The following KIRREL2 variants were observed in gnomAD, a reference collection of about 807,000 sequenced individuals.
KIRREL2 encodes kin of IRRE-like protein 2.
A neutral mutation model predicts 73.4 loss-of-function variants in KIRREL2; 56 were observed. The observed-to-expected ratio is 0.76, with a 90% confidence interval of 0.62 to 0.95. The LOEUF (loss-of-function observed/expected upper bound fraction) is 0.95. KIRREL2 is among the 40% of genes least tolerant of loss of function. The pLI, the probability that KIRREL2 is intolerant of heterozygous loss-of-function variation, is 0.00. For synonymous variants in KIRREL2, 407 were observed against 404.0 expected, an observed-to-expected ratio of 1.01 and a Z score of -0.09; for missense variants, 896 against 935.0, an observed-to-expected ratio of 0.96 and a Z score of 0.54.
rs1973721824 is a variant in KIRREL2 at position 35,862,096 on chromosome 19, G to T, written c.1510+72G>T. 2.9e-6 allele frequency: 4 copies of T among 1,365,380 alleles called. No homozygotes were observed. In the Admixed American group the frequency reaches 6.4e-5, roughly 22 times the overall value. 84.6% of individuals were successfully genotyped at this position (1,365,380 alleles called of 1,614,324 possible). A position where few individuals can be genotyped will look rare whatever the true frequency, so the allele number is the denominator to read the frequency against. ...ACAAACGCAGGGATCCCCCAGCCGA[G>T]GGCTGCAAAACCTCATACCCTCAAA... On this transcript the variant is annotated intron_variant, in intron 11 of 14. Coordinates refer to ENST00000360202, the MANE Select transcript of KIRREL2 (RefSeq NM_199180.4).
chr19:35,854,064 C>T (rs1163338542), upstream of KIRREL2, among the ~76,000 whole-genome samples: 1 of 152,060 alleles, frequency 6.6e-6, no homozygotes, highest in Non-Finnish European at 1.5e-5. Flanking sequence ...AGGCAGGTCT[C>T]GAACTCCTGA....
intron 14 of KIRREL2, among the ~76,000 whole-genome samples, chr19:35,865,509 C>T (rs1973930006): frequency 6.6e-6 from 1 of 152,198 alleles, no homozygotes. Flanking sequence ...CTACCTAATT[C>T]CTTCCTTTAG....
At chr19:35,862,653 C>A in intron 12 of KIRREL2, 56 bp downstream of exon 12, 3 of 1,328,532 alleles carry the variant, frequency 2.3e-6, no homozygotes, top group Non-Finnish European at 3.2e-6. Flanking sequence ...ACGCGCCCTG[C>A]CTGCCCAGTG....
Position 35,866,214 on chromosome 19 carries a change from G to A in KIRREL2, c.1849G>A (p.Glu617Lys), listed in dbSNP as rs748724931. The change falls in exon 15 of 15, where the codon GAA (glutamate) becomes AAA (lysine). Residue 617 changes from glutamate (E) to lysine (K), a missense_variant. Glu to Lys is a moderately conservative substitution (Grantham distance 56). Coordinates refer to ENST00000360202, the MANE Select transcript of KIRREL2 (RefSeq NM_199180.4). The part of the protein sequence containing the change: ...RGVSVSLSLG[E>K]APGGGLFLPP... ...AGTCAGTGTGAGCCTGAGCCTTGGC[G>A]AAGCCCCTGGAGGAGGTCTCTTCCT... is the stretch of plus-strand genomic sequence containing the variant. 21 of 1,612,960 alleles carry A rather than the reference G, an allele frequency of 1.3e-5. No individual in the cohort carries two copies. The highest frequency in any genetic ancestry group is 8.9e-5 in the East Asian group (4 of 44,890).
chr19:35,854,476 C>G (rs1389111643), upstream of KIRREL2, among the ~76,000 whole-genome samples: 1 of 151,786 alleles, frequency 6.6e-6, no homozygotes, highest in African/African-American at 2.4e-5. Flanking sequence ...CATGCGCCAC[C>G]ACGCCTGGCT....
chr19:35,860,658 G>A lies in KIRREL2; in HGVS notation c.919G>A (p.Asp307Asn). The stretch of plus-strand genomic sequence containing the variant: ...TAGCGCCAACCGCAGTACTGCGCTG[G>A]ATGTGCTGTGTGAGCTGGGGCCGGC... ...VGSANRSTALDVLFGPILQAK... is the reference protein window; with the variant it reads ...VGSANRSTALNVLFGPILQAK... The change falls in exon 7 of 15, where the codon GAT becomes AAT. Residue 307 changes from aspartate (D) to asparagine (N), a missense_variant. Transcript: ENST00000360202. 6.2e-7 allele frequency: 1 copy of A among 1,602,934 alleles called. No individual in the cohort carries two copies. The highest frequency in any genetic ancestry group is 8.5e-7 in the Non-Finnish European group (1 of 1,179,850).
rs983684916 is a variant in KIRREL2 at position 35,858,463 on chromosome 19, C to T, written c.267C>T (p.His89=). The T allele has an allele frequency of 2.4e-5, 39 of 1,614,064 alleles. No homozygotes were observed. The East Asian group carries it at 8.7e-4, about 36-fold the overall frequency. The change falls in exon 3 of 15, where the codon CAC becomes CAT. Residue 89 remains histidine, a synonymous_variant. Coordinates refer to ENST00000360202, the MANE Select transcript of KIRREL2 (RefSeq NM_199180.4). ...CAGCCAATGGCCAGCATGACCTCCA[C>T]ATTAGGCCCGTGGAGCTAGAGGATG... ...GNAANGQHDL[H]IRPVELEDEA...
intron 13 of KIRREL2, among the ~76,000 whole-genome samples, chr19:35,864,176 T>G (rs1198960994): frequency 6.7e-6 from 1 of 148,584 alleles, no homozygotes; most frequent in Non-Finnish European, 1.5e-5. Flanking sequence ...ACAGCCCGTT[T>G]TTGTTGTTGT....
At chr19:35,862,165 C>A in intron 11 of KIRREL2, 141 bp downstream of exon 11, 1 of 693,684 alleles carries the variant, frequency 1.4e-6, no homozygotes, top group Non-Finnish European at 2.4e-6. Flanking sequence ...AAACTGTGGG[C>A]TCATTGATTC....
At chr19:35,859,384 C>CATA in intron 4 of KIRREL2, 97 bp from the exon 5 acceptor site, 1 of 1,095,414 alleles carries the variant, frequency 9.1e-7, no homozygotes, top group Non-Finnish European at 1.3e-6. Context: ...GTATGTGTGG[C>CATA]CTAAGACAAT....
At chr19:35,859,783 G>A (rs2146857821) in intron 5 of KIRREL2, 152 bp downstream of exon 5, 5 of 903,910 alleles carry the variant, frequency 5.5e-6, no homozygotes, top group East Asian at 2.7e-5. Flanking sequence ...GGTAGCTCAC[G>A]CCTGTACTCA....
Position 35,857,155 on chromosome 19 carries a change from CCTCTT to C in KIRREL2, c.39_43del (p.Phe14LeufsTer43). 1 of 1,613,516 alleles carries C rather than the reference CCTCTT, an allele frequency of 6.2e-7. No individual in the cohort carries two copies. On this transcript the variant is annotated frameshift_variant, in exon 1 of 15. Coordinates refer to ENST00000360202, the MANE Select transcript of KIRREL2 (RefSeq NM_199180.4). LOFTEE classifies it high-confidence loss of function. ...TGCGGGTCCCCGCCCTCCTCGTCCT[CCTCTT>C]CTGCTTCAGAGGGAGAGCAGGTACC...
chr19:35,862,098 G>A, intron 11 of KIRREL2, 74 bp downstream of exon 11: 1 of 1,336,040 alleles, frequency 7.5e-7, no homozygotes, highest in East Asian at 2.5e-5. Context: ...CCAGCCGAGG[G>A]CTGCAAAACC....
chr19:35,863,559 T>C (rs1432380435), intron 13 of KIRREL2, among the ~76,000 whole-genome samples: 1 of 151,892 alleles, frequency 6.6e-6, no homozygotes, highest in East Asian at 1.9e-4. Context: ...TTCAAGTGAT[T>C]CTCTTGCCTC....
chr19:35,864,065 G>A (rs1484225031), intron 13 of KIRREL2, among the ~76,000 whole-genome samples: 7 of 150,684 alleles, frequency 4.6e-5, no homozygotes, highest in South Asian at 2.1e-4. Flanking sequence ...GTGAGCCACC[G>A]CGCCCGGCCA....
chr19:35,858,496 A>T lies in KIRREL2; in HGVS notation c.300A>T (p.Ser100=), dbSNP rs746962261. 6.2e-7 allele frequency: 1 copy of T among 1,614,200 alleles called. No individual in the cohort carries two copies. The highest frequency in any genetic ancestry group is 1.7e-5 in the Admixed American group (1 of 60,024). ...CCGTGGAGCTAGAGGATGAAGCATC[A>T]TATGAATGTCAGGCTACACAAGCAG... The part of the protein sequence containing the change: ...IRPVELEDEA[S]YECQATQAGL... The change falls in exon 3 of 15, where the codon TCA becomes TCT. Residue 100 remains serine (S), a synonymous_variant. Transcript: ENST00000360202.
At chr19:35,861,057 C>T (rs1247267573) in intron 8 of KIRREL2, 21 bp downstream of exon 8, 2 of 1,605,524 alleles carry the variant, frequency 1.2e-6, no homozygotes, top group South Asian at 2.2e-5. Flanking sequence ...AAATCTGAGG[C>T]GGTGGCTGGA....
upstream of KIRREL2, chr19:35,856,778 C>T: frequency 2.7e-6 from 1 of 372,866 alleles, no homozygotes. This position sits in a 1 kb window ranked among gnomAD's most constrained non-coding sequence, Gnocchi z 5.9. Context: ...CGCCCACCCG[C>T]CGGGGGATCC....
chr19:35,862,107 C>A lies in KIRREL2; in HGVS notation c.1510+83C>A. On this transcript the variant is annotated intron_variant, in intron 11 of 14. Coordinates refer to ENST00000360202, the MANE Select transcript of KIRREL2 (RefSeq NM_199180.4). ...GATCCCCCAGCCGAGGGCTGCAAAACCTCATACCCTCAAATGCAGAGGAGA... is the reference window on the plus strand; with the variant it reads ...GATCCCCCAGCCGAGGGCTGCAAAAACTCATACCCTCAAATGCAGAGGAGA... 3.4e-6 allele frequency: 4 copies of A among 1,186,236 alleles called. No homozygotes were observed. In the South Asian group the frequency reaches 4.3e-5, roughly 13 times the overall value. The allele number at this position is 1,186,236 out of a possible 1,614,324, so 73.5% of individuals were successfully genotyped here.
Sources: allele counts gnomAD v4.1 joint callset (sites outside exome capture counted in the v4.1 genomes callset), GRCh38; gene constraint gnomAD v4.1.1; non-coding constraint Gnocchi (gnomAD v3.1); transcripts MANE v1.5; gene names NCBI Gene and HGNC (gene_info 2026-07-23, HGNC 2026-07-21).